ACTR5: variants seen among roughly 807,000 people sequenced by gnomAD.
ACTR5 encodes the protein actin related protein 5.
Under a neutral mutation model 61.2 loss-of-function variants are expected in ACTR5, and 43 were observed. The observed-to-expected ratio is 0.70, with a 90% CI of 0.55 to 0.91. The LOEUF is 0.91. ACTR5 is among the 40% of genes least tolerant of loss of function. The pLI is 0.00. For synonymous variants in ACTR5, 333 were observed against 310.5 expected, an observed-to-expected ratio of 1.07 and a Z score of -0.76; for missense variants, 798 against 782.2, an observed-to-expected ratio of 1.02 and a Z score of -0.24.
At chr20:38,769,552 C>T (rs996106945) in intron 8 of ACTR5, among the ~76,000 whole-genome samples, 3 of 152,022 alleles carry the variant, frequency 2.0e-5, no homozygotes, top group African/African-American at 7.3e-5. Context: ...AACGAGGAGC[C>T]GCGGGAGGGA....
At chr20:38,766,513 A>T (rs917539927) in intron 7 of ACTR5, 136 bp downstream of exon 7, 1 of 1,171,682 alleles carries the variant, frequency 8.5e-7, no homozygotes, top group East Asian at 2.5e-5. Flanking sequence ...CTGTGCTCAG[A>T]TAGTATTCCC....
In ACTR5 at chr20:38,752,147, T is replaced by C; in HGVS notation, c.622T>C (p.Cys208Arg). 1 of 1,613,618 alleles carries C rather than the reference T, an allele frequency of 6.2e-7. No homozygotes were observed. Among genetic ancestry groups the C allele is most frequent in the Non-Finnish European group, 8.5e-7 (1 of 1,179,642 alleles). The change falls in exon 3 of 9, where the codon TGC becomes CGC. Residue 208 changes from cysteine to arginine, a missense_variant. By Grantham distance (180) the Cys-to-Arg change is radical. Transcript: ENST00000243903. ...ILEGRLDAKNCKRINLGGSQA... is the reference protein window; with the variant it reads ...ILEGRLDAKNRKRINLGGSQA... ...TGGTTATAGATTAGATGCTAAAAAC[T>C]GCAAGCGCATCAATCTTGGAGGAAG...
At chr20:38,763,481 C>T (rs2084466849) in intron 5 of ACTR5, among the ~76,000 whole-genome samples, 1 of 152,208 alleles carries the variant, frequency 6.6e-6, no homozygotes, top group South Asian at 2.1e-4. Flanking sequence ...TAAAATCTTT[C>T]ATTCATCTCT....
chr20:38,755,238 T>G, intron 4 of ACTR5, 64 bp downstream of exon 4: 1 of 1,467,444 alleles, frequency 6.8e-7, no homozygotes, highest in Non-Finnish European at 9.0e-7. Flanking sequence ...AAGATTTTCT[T>G]GCATATTTTT....
chr20:38,750,132 C>G lies in ACTR5; in HGVS notation c.498C>G (p.Asp166Glu), dbSNP rs756555951. 6.2e-7 allele frequency: 1 copy of G among 1,614,180 alleles called. No individual in the cohort carries two copies. The highest frequency in any genetic ancestry group is 2.2e-5 in the East Asian group (1 of 44,878). ...YGIPKVAYGI[D>E]SLFSFYHNKP... is the part of the protein sequence containing the mutation. ...TTCCCAAGGTTGCCTATGGAATAGACAGCCTCTTCAGCTTCTACCACAATA... is the reference window on the plus strand; with the variant it reads ...TTCCCAAGGTTGCCTATGGAATAGAGAGCCTCTTCAGCTTCTACCACAATA... Residue 166 changes from aspartate to glutamate, a missense_variant, in exon 2 of 9, where the codon GAC becomes GAG. Transcript: ENST00000243903.
In ACTR5 at chr20:38,748,506, G is replaced by C. The variant is rs1291327478; in HGVS notation, c.28G>C (p.Asp10His). ...GGCGGCGAACGTGTTCCCGTTCCGCGACGCCCGTGCCGCACCGGACCCAGT... is the reference window on the plus strand; with the variant it reads ...GGCGGCGAACGTGTTCCCGTTCCGCCACGCCCGTGCCGCACCGGACCCAGT... MAANVFPFR[D>H]ARAAPDPVLE... is the part of the protein sequence containing the mutation. The change falls in exon 1 of 9, where the codon GAC becomes CAC. Residue 10 changes from aspartate to histidine, a missense_variant. Physicochemically the swap from Asp to His is moderately conservative, Grantham distance 81 (BLOSUM62 -1). Transcript: ENST00000243903. The C allele has an allele frequency of 5.4e-6, 8 of 1,495,258 alleles. No individual in the cohort carries two copies. The highest frequency in any genetic ancestry group is 2.3e-5 in the Admixed American group (1 of 44,372). 92.6% of individuals were successfully genotyped at this position (1,495,258 alleles called of 1,614,324 possible).
chr20:38,760,008 T>G (rs1829715182), intron 5 of ACTR5, among the ~76,000 whole-genome samples: 1 of 151,280 alleles, frequency 6.6e-6, no homozygotes, highest in South Asian at 2.1e-4. Context: ...TAAAAAAAAT[T>G]TTTTTAATTA....
intron 7 of ACTR5, 55 bp from the exon 8 acceptor site, chr20:38,767,409 A>G: frequency 6.7e-7 from 1 of 1,496,636 alleles, no homozygotes; most frequent in Non-Finnish European, 9.0e-7. Flanking sequence ...CTGCATCCAC[A>G]TTTCGTTCTG....
chr20:38,755,219 T>C (rs1490959428), intron 4 of ACTR5, 45 bp downstream of exon 4: 1 of 1,493,562 alleles, frequency 6.7e-7, no homozygotes, highest in African/African-American at 1.4e-5. Flanking sequence ...GTTAACAAGA[T>C]AGTCTCAGAA....
intron 5 of ACTR5, among the ~76,000 whole-genome samples, chr20:38,762,212 G>A (rs2084459220): frequency 6.6e-6 from 1 of 152,192 alleles, no homozygotes; most frequent in African/African-American, 2.4e-5. Flanking sequence ...AGGACTCAAG[G>A]TCTGGGTTCA....
Position 38,766,338 on chromosome 20 carries a change from A to T in ACTR5, c.1394A>T (p.Gln465Leu). The stretch of plus-strand genomic sequence containing the variant: ...CAGCCATCTCTCATAGGAGAAGAAC[A>T]GGCTGGGATTGCAGAGACTCTTCAG... The part of the protein sequence containing the change: ...IFQPSLIGEE[Q>L]AGIAETLQYI... The change falls in exon 7 of 9, where the codon CAG becomes CTG. Residue 465 changes from glutamine (Q) to leucine (L), a missense_variant. By Grantham distance (113) the Gln-to-Leu change is moderately radical. Coordinates refer to ENST00000243903, the MANE Select transcript of ACTR5 (RefSeq NM_024855.4). The T allele has an allele frequency of 6.2e-7, 1 of 1,613,602 alleles. No individual in the cohort carries two copies. Among genetic ancestry groups the T allele is most frequent in the South Asian group, 1.1e-5 (1 of 90,878 alleles).
chr20:38,754,839 T>G (rs35702444), intron 3 of ACTR5, 118 bp from the exon 4 acceptor site: 102,923 of 914,234 alleles, frequency 0.11, 7,795 homozygotes, highest in Non-Finnish European at 0.13. Context: ...TCCGCCCACC[T>G]CGGCTCCCCA....
intron 8 of ACTR5, among the ~76,000 whole-genome samples, chr20:38,768,609 A>G (rs1455932451): frequency 2.0e-5 from 3 of 152,164 alleles, no homozygotes; most frequent in East Asian, 3.8e-4. Context: ...CTGATCACAT[A>G]GGCACCCCCT....
At chr20:38,754,892 A>G (rs2084410347) in intron 3 of ACTR5, 65 bp from the exon 4 acceptor site, 2 of 1,546,362 alleles carry the variant, frequency 1.3e-6, no homozygotes, top group Non-Finnish European at 8.9e-7. Flanking sequence ...CCCAGCTGGT[A>G]TTGACTTTAA....
Position 38,771,847 on chromosome 20 carries a change from G to C in ACTR5, c.*31G>C. On this transcript the variant is annotated 3_prime_UTR_variant, in exon 9 of 9. Coordinates refer to ENST00000243903, the MANE Select transcript of ACTR5 (RefSeq NM_024855.4). ...GCCCTCCAGAGAGACTGCCCTGCAC[G>C]CCATGCCTTGGGCCACGTTGGCAGT... 1 of 1,587,826 alleles carries C rather than the reference G, an allele frequency of 6.3e-7. No homozygotes were observed. Among genetic ancestry groups the C allele is most frequent in the Non-Finnish European group, 8.5e-7 (1 of 1,169,592 alleles).
intron 3 of ACTR5, among the ~76,000 whole-genome samples, chr20:38,754,750 G>A (rs1479342097): frequency 2.0e-5 from 3 of 151,884 alleles, no homozygotes; most frequent in East Asian, 3.9e-4. Context: ...CACCACGCAT[G>A]GCTAATTTTT....
chr20:38,760,485 T>G (rs1244245116), intron 5 of ACTR5, among the ~76,000 whole-genome samples: 1 of 152,124 alleles, frequency 6.6e-6, no homozygotes, highest in Non-Finnish European at 1.5e-5. Context: ...AAAACAGATG[T>G]AGGATCAGAT....
At chr20:38,749,341 T>A (rs2084372461) in intron 1 of ACTR5, among the ~76,000 whole-genome samples, 1 of 152,116 alleles carries the variant, frequency 6.6e-6, no homozygotes, top group Non-Finnish European at 1.5e-5. Flanking sequence ...AGGAGGTGAT[T>A]CAGGTAGCAA....
intron 5 of ACTR5, among the ~76,000 whole-genome samples, chr20:38,764,615 C>T (rs184462436): frequency 1.3e-5 from 2 of 152,312 alleles, no homozygotes; most frequent in East Asian, 3.9e-4. Flanking sequence ...GCATTCCCAG[C>T]CCAGTGGGAC....
Sources: gnomAD v4.1 joint callset for allele counts (sites outside exome capture counted in the v4.1 genomes callset) on GRCh38, gnomAD v4.1.1 for gene constraint, MANE v1.5 for transcripts, NCBI Gene and HGNC (gene_info 2026-07-23, HGNC 2026-07-21) for gene names.